SNTG1: variants seen among roughly 807,000 people sequenced by gnomAD.
The protein encoded by SNTG1 is gamma-1-syntrophin.
In SNTG1, 39 loss-of-function variants were observed where a neutral mutation model predicts 74.7. The observed-to-expected ratio is 0.52, with a 90% CI of 0.40 to 0.68. The LOEUF is 0.68. SNTG1 is among the 30% of genes least tolerant of loss of function. The pLI, the probability that SNTG1 is intolerant of heterozygous loss-of-function variation, is 0.00. For synonymous variants in SNTG1, 254 were observed against 217.1 expected, an observed-to-expected ratio of 1.17 and a Z score of -1.49; for missense variants, 685 against 609.5, an observed-to-expected ratio of 1.12 and a Z score of -1.30.
rs184001067 is a variant in SNTG1 at position 50,369,511 on chromosome 8, G to A, written c.-27-24701G>A. On this transcript the variant is annotated intron_variant, in intron 2 of 18. Transcript: ENST00000642720. ...CTTGGGAGGCTGAGGCAGGAAAATC[G>A]CTTGAACCCAGGAGGCAGAGGTTGC... is the stretch of plus-strand genomic sequence containing the variant. Among the ~76,000 whole-genome samples the A allele has an allele frequency of 6.0e-3, 918 of 151,886 alleles. 12 individuals carry two copies. Among genetic ancestry groups the A allele is most frequent in the African/African-American group, 0.02 (818 of 41,380 alleles).
At chr8:50,091,879 A>G (rs911873609) in intron 1 of SNTG1, among the ~76,000 whole-genome samples, 1 of 152,136 alleles carries the variant, frequency 6.6e-6, no homozygotes, top group African/African-American at 2.4e-5. Context: ...TTTAATTAAA[A>G]TGTCAGATTT....
intron 17 of SNTG1, among the ~76,000 whole-genome samples, chr8:50,713,113 C>T (rs189783233): frequency 5.5e-4 from 84 of 152,286 alleles, no homozygotes; most frequent in African/African-American, 1.9e-3. Flanking sequence ...TTACACTCCC[C>T]ACCAACAGTA....
At chr8:50,474,507 C>T (rs377095652) in intron 8 of SNTG1, among the ~76,000 whole-genome samples, 2 of 152,196 alleles carry the variant, frequency 1.3e-5, no homozygotes, top group African/African-American at 2.4e-5. Context: ...CAGAGAAATG[C>T]AAATCAAAAC....
At chr8:50,116,303 T>TA (rs2080818756) in intron 1 of SNTG1, among the ~76,000 whole-genome samples, 1 of 152,156 alleles carries the variant, frequency 6.6e-6, no homozygotes, top group Admixed American at 6.5e-5. Context: ...ATGTAATACT[T>TA]ACAATGATTC....
chr8:49,935,473 G>T (rs1365220737), intron 1 of SNTG1, among the ~76,000 whole-genome samples: 2 of 139,232 alleles, frequency 1.4e-5, no homozygotes, highest in Non-Finnish European at 3.0e-5. Flanking sequence ...AATGGGAAAT[G>T]CTGGGTCACT....
At chr8:50,136,271 C>T (rs2081473289) in intron 1 of SNTG1, among the ~76,000 whole-genome samples, 1 of 151,958 alleles carries the variant, frequency 6.6e-6, no homozygotes, top group South Asian at 2.1e-4. Context: ...GGAATATGCC[C>T]AGTATTGGAA....
Position 50,585,717 on chromosome 8 carries a change from A to C in SNTG1, c.811-5162A>C, listed in dbSNP as rs190618078. 2.3e-3 allele frequency among the ~76,000 whole-genome samples: 345 copies of C among 152,214 alleles called. 4 individuals carry two copies. The highest frequency in any genetic ancestry group is 0.019 in the Admixed American group (286 of 15,284). The stretch of plus-strand genomic sequence containing the variant: ...TTTAATATTTGACTGTATATAATAT[A>C]GCAGACACTATATTAATCATATGAA... On this transcript the variant is annotated intron_variant, in intron 12 of 18. Coordinates refer to ENST00000642720, the MANE Select transcript of SNTG1 (RefSeq NM_018967.5).
intron 12 of SNTG1, among the ~76,000 whole-genome samples, chr8:50,570,820 G>T (rs2094545282): frequency 6.6e-6 from 1 of 151,342 alleles, no homozygotes; most frequent in Non-Finnish European, 1.5e-5. Flanking sequence ...TGGTCAGGAT[G>T]GTCTCAATCT....
chr8:50,478,213 C>A (rs1244032288), intron 8 of SNTG1, among the ~76,000 whole-genome samples: 1 of 152,108 alleles, frequency 6.6e-6, no homozygotes, highest in Non-Finnish European at 1.5e-5. Flanking sequence ...TACAGAAAAC[C>A]ATGAGATTAA....
chr8:50,627,324 C>A (rs1024102957), intron 13 of SNTG1, among the ~76,000 whole-genome samples: 15 of 152,086 alleles, frequency 9.9e-5, no homozygotes, highest in Non-Finnish European at 2.1e-4. Flanking sequence ...TAATAAAAAA[C>A]CATCATGAAT....
At chr8:50,554,809 T>A (rs1184988878) in intron 12 of SNTG1, among the ~76,000 whole-genome samples, 1 of 152,182 alleles carries the variant, frequency 6.6e-6, no homozygotes, top group African/African-American at 2.4e-5. Context: ...AGGGAATTTG[T>A]TACAGAAATG....
intron 13 of SNTG1, among the ~76,000 whole-genome samples, chr8:50,594,670 G>C (rs1209386200): frequency 2.6e-5 from 4 of 152,020 alleles, no homozygotes; most frequent in Non-Finnish European, 5.9e-5. Flanking sequence ...GGAATTACAG[G>C]ACACTTTAAA....
intron 1 of SNTG1, among the ~76,000 whole-genome samples, chr8:50,064,895 G>A (rs1820777790): frequency 6.6e-6 from 1 of 152,156 alleles, no homozygotes; most frequent in African/African-American, 2.4e-5. Flanking sequence ...TGTCTTCAGA[G>A]CAGTTGTAAA....
chr8:50,753,235 TCTCCCACCTCA>T (rs1181788138), intron 18 of SNTG1, among the ~76,000 whole-genome samples: 2 of 151,906 alleles, frequency 1.3e-5, no homozygotes, highest in African/African-American at 4.8e-5. Flanking sequence ...CTGCTCCTCT[TCTCCCACCTCA>T]GCTACCACTG....
chr8:50,498,536 C>G (rs980528861), intron 8 of SNTG1, among the ~76,000 whole-genome samples: 3 of 151,744 alleles, frequency 2.0e-5, no homozygotes, highest in Admixed American at 6.6e-5. Context: ...AATATTTTCT[C>G]AAAGTTTGTG....
chr8:49,924,321 C>T (rs529967218), intron 1 of SNTG1, among the ~76,000 whole-genome samples: 177 of 152,302 alleles, frequency 1.2e-3, no homozygotes, highest in Non-Finnish European at 1.8e-3. Flanking sequence ...GTGTTCAACA[C>T]TTGCTTTGCT....
At chr8:50,512,169 T>A (rs2094084302) in intron 9 of SNTG1, among the ~76,000 whole-genome samples, 7 of 152,126 alleles carry the variant, frequency 4.6e-5, no homozygotes, top group Admixed American at 4.6e-4. Context: ...TCTCCTTCAC[T>A]TATGAAGCTT....
At chr8:50,133,075 TCA>T (rs1468861804) in intron 1 of SNTG1, among the ~76,000 whole-genome samples, 2 of 152,170 alleles carry the variant, frequency 1.3e-5, no homozygotes, top group African/African-American at 4.8e-5. Context: ...TCTCTTTTTC[TCA>T]CATTTTACTA....
chr8:49,952,381 T>C (rs1563388367), intron 1 of SNTG1, among the ~76,000 whole-genome samples: 2 of 152,042 alleles, frequency 1.3e-5, no homozygotes, highest in Admixed American at 6.5e-5. Flanking sequence ...AAGAGAGGCA[T>C]AAACCATGGT....
Sources: gnomAD v4.1 joint callset for allele counts (sites outside exome capture counted in the v4.1 genomes callset) on GRCh38, gnomAD v4.1.1 for gene constraint, MANE v1.5 for transcripts, NCBI Gene and HGNC (gene_info 2026-07-23, HGNC 2026-07-21) for gene names.